MYO9B: variants seen among roughly 807,000 people sequenced by gnomAD.
The protein encoded by MYO9B is myosin IXB, also known as unconventional myosin-IXb.
A neutral mutation model predicts 229.5 loss-of-function variants in MYO9B; 71 were observed. The ratio of observed to expected loss-of-function variants is 0.31; its 90% CI spans 0.26 to 0.38. The LOEUF (loss-of-function observed/expected upper bound fraction) is 0.38. Ranked by LOEUF, MYO9B falls within the 10% of genes least tolerant of loss-of-function variation. MYO9B has a pLI of 1.00. For missense variants in MYO9B, 2,255 were observed against 2,920.5 expected, an observed-to-expected ratio of 0.77 and a Z score of 5.25; for synonymous variants, 1,185 against 1,235.8, an observed-to-expected ratio of 0.96 and a Z score of 0.86.
At position 17,180,341 on chromosome 19, in the gene MYO9B, A is replaced by ATCTTT. The variant is rs1555701612; in HGVS notation, c.2220-585_2220-584insCTTTT. ...AAAGTGGAATGACCAGATGGAAATAATTTTTTTTTTTTTTTTTTTTTTTTT... is the reference window on the plus strand; with the variant it reads ...AAAGTGGAATGACCAGATGGAAATAATCTTTTTTTTTTTTTTTTTTTTTTTTTTTT... On this transcript the variant is annotated intron_variant, in intron 14 of 39. Transcript: ENST00000682292. 1.7e-4 allele frequency among the ~76,000 whole-genome samples: 15 copies of ATCTTT among 88,006 alleles called. 2 individuals carry two copies. The highest frequency in any genetic ancestry group is 7.4e-4 in the South Asian group (2 of 2,688). The allele number at this position is 88,006 out of a possible 152,430, so 57.7% of individuals were successfully genotyped here. A position where few individuals can be genotyped will look rare whatever the true frequency, so the allele number is the denominator to read the frequency against.
chr19:17,146,160 T>TGG (rs1402743583), intron 3 of MYO9B, among the ~76,000 whole-genome samples: 13 of 79,864 alleles, frequency 1.6e-4, no homozygotes, highest in Non-Finnish European at 2.7e-4. Flanking sequence ...GGTGGGTGGA[T>TGG]AGATGGATGG....
At chr19:17,146,155 GTGGATAGA>G (rs1367257913) in intron 3 of MYO9B, among the ~76,000 whole-genome samples, 4,306 of 145,914 alleles carry the variant, frequency 0.03, 161 homozygotes, top group African/African-American at 0.073. Context: ...GAATGGGTGG[GTGGATAGA>G]TGGATGGATG....
intron 2 of MYO9B, among the ~76,000 whole-genome samples, chr19:17,119,294 C>T (rs1311855138): frequency 6.6e-6 from 1 of 152,222 alleles, no homozygotes; most frequent in African/African-American, 2.4e-5. Context: ...GAGCACAGAT[C>T]CAGGATGACG....
At chr19:17,198,416 G>A (rs1300911794) in intron 24 of MYO9B, 108 bp downstream of exon 24, 12 of 1,445,862 alleles carry the variant, frequency 8.3e-6, no homozygotes, top group African/African-American at 4.3e-5. Flanking sequence ...TACAAAGCAC[G>A]TTCGCAAAGG....
rs143573936 is a variant in MYO9B, at chr19:17,143,423, C to G, written c.841-1974C>G. ...TCCTCAAAGCCGAGAAGGAGGGAGG[C>G]CCAGGGCTCCAGGCTGAGGCCTATA... On this transcript the variant is annotated intron_variant, in intron 2 of 39. Transcript: ENST00000682292. Among the ~76,000 whole-genome samples the G allele has an allele frequency of 3.1e-3, 466 of 152,264 alleles. 1 individual carries two copies. The highest frequency in any genetic ancestry group is 0.011 in the African/African-American group (438 of 41,552).
intron 1 of MYO9B, among the ~76,000 whole-genome samples, chr19:17,096,610 TGA>T (rs751500914): frequency 4.2e-4 from 63 of 151,054 alleles, no homozygotes; most frequent in Non-Finnish European, 6.9e-4. Context: ...AGTGACAGAG[TGA>T]GACCCTGTCT....
At chr19:17,164,405 G>A (rs1046835739) in intron 10 of MYO9B, among the ~76,000 whole-genome samples, 8 of 151,358 alleles carry the variant, frequency 5.3e-5, no homozygotes, top group Non-Finnish European at 7.4e-5. Flanking sequence ...TTTTGAGATG[G>A]AGTCTGGCTC....
rs1216670066 is a variant in MYO9B at position 17,184,973 on chromosome 19, A to C, written c.2482A>C (p.Ser828Arg). Residue 828 changes from serine (S) to arginine (R), a missense_variant, in exon 17 of 40, where the codon AGC (serine) becomes CGC (arginine). By Grantham distance (110) the Ser-to-Arg change is moderately radical. Transcript: ENST00000682292. ...CAAGAAGAAAAAGCCACCAAGCATCAGCGCCCAGTTCCAGGTAGGTGGAGC... is the reference window on the plus strand; with the variant it reads ...CAAGAAGAAAAAGCCACCAAGCATCCGCGCCCAGTTCCAGGTAGGTGGAGC... Reference protein sequence around the residue: ...LHKKKKPPSISAQFQTSLNKL... With the variant: ...LHKKKKPPSIRAQFQTSLNKL... 6.2e-7 allele frequency: 1 copy of C among 1,613,946 alleles called. No individual in the cohort carries two copies. The highest frequency in any genetic ancestry group is 8.5e-7 in the Non-Finnish European group (1 of 1,179,836).
intron 2 of MYO9B, among the ~76,000 whole-genome samples, chr19:17,144,969 C>CAAAAA (rs58527501): frequency 9.6e-5 from 8 of 83,522 alleles, no homozygotes; most frequent in Non-Finnish European, 1.4e-4. Context: ...GACTTCATCT[C>CAAAAA]AAAAAAAAAA....
At chr19:17,176,205 GTATTTTTTTT>G (rs2072787617) in intron 14 of MYO9B, among the ~76,000 whole-genome samples, 1 of 151,876 alleles carries the variant, frequency 6.6e-6, no homozygotes, top group Non-Finnish European at 1.5e-5. Flanking sequence ...AATTTCTTTT[GTATTTTTTTT>G]TAACTAGAGA....
intron 2 of MYO9B, among the ~76,000 whole-genome samples, chr19:17,112,138 C>T (rs2057853225): frequency 6.6e-6 from 1 of 152,192 alleles, no homozygotes; most frequent in South Asian, 2.1e-4. Context: ...GTGTCCCCCA[C>T]AAGAACAATG....
intron 19 of MYO9B, among the ~76,000 whole-genome samples, chr19:17,189,252 A>C (rs2072954069): frequency 6.6e-6 from 1 of 152,034 alleles, no homozygotes; most frequent in African/African-American, 2.4e-5. Context: ...CTTGAACCCA[A>C]GTAGTTTGAG....
At chr19:17,174,207 T>C (rs1418272883) in intron 13 of MYO9B, among the ~76,000 whole-genome samples, 1 of 151,892 alleles carries the variant, frequency 6.6e-6, no homozygotes, top group Non-Finnish European at 1.5e-5. Flanking sequence ...TTGTTTTGTA[T>C]TTTTTAGTAG....
Position 17,172,889 on chromosome 19 carries a change from G to T in MYO9B, c.2066G>T (p.Arg689Leu). Residue 689 changes from arginine (R) to leucine (L), a missense_variant, in exon 13 of 40, where the codon CGG (arginine) becomes CTG (leucine). Coordinates refer to ENST00000682292, the MANE Select transcript of MYO9B (RefSeq NM_004145.4). The surrounding 1 kb of genome is among the most constrained non-coding windows in gnomAD (Gnocchi z 8.2). ...GCCGTGTTCCGCTGGGCCGTGCTCC[G>T]GGCTGCTATCCGGGCCATGGCAGTG... ...PVAVFRWAVL[R>L]AAIRAMAVLR... 1.9e-6 allele frequency: 3 copies of T among 1,603,856 alleles called. No homozygotes were observed. The highest frequency in any genetic ancestry group is 2.5e-6 in the Non-Finnish European group (3 of 1,179,748).
intron 1 of MYO9B, among the ~76,000 whole-genome samples, chr19:17,094,041 T>C (rs2057665319): frequency 1.1e-5 from 1 of 94,166 alleles, no homozygotes; most frequent in African/African-American, 5.0e-5. Flanking sequence ...TTGTTGTTGT[T>C]GTTGTTGTTG....
At position 17,212,665 on chromosome 19, in the gene MYO9B, TA is replaced by T. The variant is rs1387008728; in HGVS notation, c.*356del. On this transcript the variant is annotated 3_prime_UTR_variant, in exon 40 of 40. Coordinates refer to ENST00000682292, the MANE Select transcript of MYO9B (RefSeq NM_004145.4). The surrounding 1 kb of genome is among the most constrained non-coding windows in gnomAD (Gnocchi z 5.4). ...CTTAATGGAAGACCAAATGGTTTTTTATATGTGTATGTACAAAGTTTTCTAT... is the reference window on the plus strand; with the variant it reads ...CTTAATGGAAGACCAAATGGTTTTTTTATGTGTATGTACAAAGTTTTCTAT... 1.2e-5 allele frequency: 3 copies of T among 260,318 alleles called. No individual in the cohort carries two copies. The highest frequency in any genetic ancestry group is 6.7e-5 in the African/African-American group (3 of 44,818). 16.1% of individuals were successfully genotyped at this position (260,318 alleles called of 1,614,324 possible).
Position 17,130,031 on chromosome 19 carries a change from G to A in MYO9B, c.841-15366G>A, listed in dbSNP as rs1568264946. 2.0e-5 allele frequency among the ~76,000 whole-genome samples: 3 copies of A among 152,088 alleles called. No homozygotes were observed. The East Asian group carries it at 5.8e-4, about 30-fold the overall frequency. On this transcript the variant is annotated intron_variant, in intron 2 of 39. Coordinates refer to ENST00000682292, the MANE Select transcript of MYO9B (RefSeq NM_004145.4). ...AGACAGAGTCTTGCTATGTTGCCCA[G>A]CTGGTCCTGAATCCATGGCCTCAAG...
Position 17,206,052 on chromosome 19 carries a change from C to T in MYO9B, c.5157C>T (p.Leu1719=), listed in dbSNP as rs2073157442. The part of the protein sequence containing the change: ...KASVPIVLEK[L]LEHVEMHGLY... ...CGGTGCCCATCGTGCTGGAGAAGCT[C>T]CTGGAACACGTGGAGATGCACGGCC... The change falls in exon 32 of 40, where the codon CTC becomes CTT. Residue 1719 remains leucine (L), a synonymous_variant. Transcript: ENST00000682292. The T allele has an allele frequency of 3.1e-6, 5 of 1,610,704 alleles. No homozygotes were observed. In the Admixed American group the frequency reaches 8.3e-5, roughly 27 times the overall value.
chr19:17,170,831 T>TTA (rs1555700216), intron 11 of MYO9B, among the ~76,000 whole-genome samples: 5 of 120,868 alleles, frequency 4.1e-5, no homozygotes, highest in Admixed American at 8.7e-5. Context: ...CTCTAAAAAT[T>TTA]AAAAAAAAAA....
Sources: allele counts gnomAD v4.1 joint callset (sites outside exome capture counted in the v4.1 genomes callset), GRCh38; gene constraint gnomAD v4.1.1; non-coding constraint Gnocchi (gnomAD v3.1); transcripts MANE v1.5; gene names NCBI Gene and HGNC (gene_info 2026-07-23, HGNC 2026-07-21).